The following COG5 variants were observed in gnomAD, a reference collection of about 807,000 sequenced individuals.
The protein encoded by COG5 is component of oligomeric golgi complex 5.
A neutral mutation model predicts 110.4 loss-of-function variants in COG5; 86 were observed. That is an observed-to-expected ratio of 0.78 (90% CI 0.65 to 0.93). The LOEUF is 0.93. COG5 is among the 40% of genes least tolerant of loss of function. The pLI is 0.00. For missense variants in COG5, 1,077 were observed against 987.0 expected, an observed-to-expected ratio of 1.09 and a Z score of -1.22; for synonymous variants, 360 against 334.6, an observed-to-expected ratio of 1.08 and a Z score of -0.83.
chr7:107,233,463 A>C (rs1037353258), intron 18 of COG5, among the ~76,000 whole-genome samples: 3 of 152,216 alleles, frequency 2.0e-5, no homozygotes, highest in Non-Finnish European at 2.9e-5. Context: ...GCACCCTGCA[A>C]CTACTTTCTC....
intron 21 of COG5, 51 bp downstream of exon 21, chr7:107,210,475 C>A: frequency 6.4e-7 from 1 of 1,559,634 alleles, no homozygotes; most frequent in East Asian, 2.3e-5. Context: ...GCATCCCCAC[C>A]CTCCTTGGGC....
intron 6 of COG5, among the ~76,000 whole-genome samples, chr7:107,524,920 T>A (rs1039799101): frequency 6.6e-6 from 1 of 152,128 alleles, no homozygotes; most frequent in African/African-American, 2.4e-5. Context: ...CCTGTTTTTT[T>A]GTGGGGTTTT....
At chr7:107,512,127 G>T (rs1184016466) in intron 6 of COG5, among the ~76,000 whole-genome samples, 1 of 152,176 alleles carries the variant, frequency 6.6e-6, no homozygotes, top group African/African-American at 2.4e-5. Context: ...CAGATGACAT[G>T]ATTGTATATC....
chr7:107,321,043 C>G (rs1809219699), intron 11 of COG5, among the ~76,000 whole-genome samples: 1 of 152,156 alleles, frequency 6.6e-6, no homozygotes, highest in Non-Finnish European at 1.5e-5. Context: ...TTTACATTTG[C>G]TTTCTTTTAT....
At chr7:107,260,564 A>G (rs1297031307) in intron 14 of COG5, among the ~76,000 whole-genome samples, 1 of 152,160 alleles carries the variant, frequency 6.6e-6, no homozygotes, top group Admixed American at 6.5e-5. Flanking sequence ...TATCTTAATA[A>G]AACTGTTTTT....
Position 107,507,705 on chromosome 7 carries a change from A to C in COG5, c.538+19532T>G, listed in dbSNP as rs386465368. ...AATTAATGGGTCCCTATTGTATGGC[A>C]AGGTTATATAAATCATACTTTCATC... On this transcript the variant is annotated intron_variant, in intron 6 of 21. Coordinates refer to ENST00000297135, the MANE Select transcript of COG5 (RefSeq NM_006348.5). 2.0e-3 allele frequency among the ~76,000 whole-genome samples: 298 copies of C among 152,210 alleles called. 2 individuals carry two copies. Among genetic ancestry groups the C allele is most frequent in the Middle Eastern group, 6.8e-3 (2 of 294 alleles).
At chr7:107,261,388 G>A (rs997482024) in intron 14 of COG5, among the ~76,000 whole-genome samples, 8 of 151,688 alleles carry the variant, frequency 5.3e-5, no homozygotes, top group Admixed American at 5.3e-4. Context: ...ATACATTATG[G>A]CCCTTTACCC....
At chr7:107,332,701 G>T (rs1321370598) in intron 10 of COG5, among the ~76,000 whole-genome samples, 1 of 152,126 alleles carries the variant, frequency 6.6e-6, no homozygotes, top group Non-Finnish European at 1.5e-5. Context: ...GACATCAAGG[G>T]TGTGGGGCAA....
chr7:107,501,092 ATTATAC>A (rs1229724911), intron 6 of COG5, among the ~76,000 whole-genome samples: 2 of 152,124 alleles, frequency 1.3e-5, no homozygotes, highest in African/African-American at 4.8e-5. Context: ...CCTGTACAAT[ATTATAC>A]TTAGAGACCC....
chr7:107,367,335 A>T (rs188408357), intron 8 of COG5, among the ~76,000 whole-genome samples: 108 of 152,256 alleles, frequency 7.1e-4, no homozygotes, highest in African/African-American at 2.5e-3. Flanking sequence ...ATAGAAATGG[A>T]GAGGTCTGGT....
intron 6 of COG5, among the ~76,000 whole-genome samples, chr7:107,448,452 CCAT>C (rs1384168401): frequency 6.6e-6 from 1 of 152,146 alleles, no homozygotes; most frequent in African/African-American, 2.4e-5. Context: ...TTCTTAGTTT[CCAT>C]CATTTCATAC....
chr7:107,210,278 T>C, intron 21 of COG5: 1 of 1,389,932 alleles, frequency 7.2e-7, no homozygotes, highest in Non-Finnish European at 9.3e-7. Context: ...TCCTTAGGGT[T>C]GCATGGGACA....
intron 7 of COG5, among the ~76,000 whole-genome samples, chr7:107,374,312 C>T (rs533532794): frequency 2.6e-5 from 4 of 152,054 alleles, no homozygotes; most frequent in East Asian, 1.9e-4. Context: ...TTTCCCATGT[C>T]ATTATTTAAG....
intron 16 of COG5, among the ~76,000 whole-genome samples, chr7:107,249,788 A>G (rs1161598425): frequency 1.3e-5 from 2 of 151,608 alleles, no homozygotes; most frequent in African/African-American, 4.8e-5. Flanking sequence ...TAGTGAGAAT[A>G]GTTAAAACGT....
Position 107,298,311 on chromosome 7 carries a change from A to G in COG5, c.1144T>C (p.Tyr382His). 6.2e-7 allele frequency: 1 copy of G among 1,613,644 alleles called. No individual in the cohort carries two copies. The highest frequency in any genetic ancestry group is 8.5e-7 in the Non-Finnish European group (1 of 1,179,756). Residue 382 changes from tyrosine to histidine, a missense_variant, in exon 12 of 22, where the codon TAC (tyrosine) becomes CAC (histidine). Tyr to His is a moderately conservative substitution (Grantham distance 83, BLOSUM62 2). Coordinates refer to ENST00000297135, the MANE Select transcript of COG5 (RefSeq NM_006348.5). ...MFLKQAFEGE[Y>H]PKLLRLYNDL... ...TTATAAAGACGTAATAATTTAGGGT[A>G]TTCTCCTTCAAATGCCTGCTTCAAA...
intron 14 of COG5, among the ~76,000 whole-genome samples, chr7:107,273,540 T>TC: frequency 6.6e-6 from 1 of 152,286 alleles, no homozygotes; most frequent in Non-Finnish European, 1.5e-5. Flanking sequence ...CTCTATAGTG[T>TC]TAGGACTTCC....
At chr7:107,561,654 G>A (rs768087751) in intron 1 of COG5, among the ~76,000 whole-genome samples, 14 of 152,192 alleles carry the variant, frequency 9.2e-5, no homozygotes, top group Non-Finnish European at 1.9e-4. Context: ...AAAATCCAGA[G>A]CAAAGTAGGA....
At chr7:107,380,486 C>T (rs1815021191) in intron 7 of COG5, among the ~76,000 whole-genome samples, 2 of 152,046 alleles carry the variant, frequency 1.3e-5, no homozygotes, top group Non-Finnish European at 2.9e-5. Flanking sequence ...GGGAGATCAC[C>T]ACTGATCCCA....
At chr7:107,240,034 C>T (rs1412915141) in intron 17 of COG5, among the ~76,000 whole-genome samples, 1 of 152,182 alleles carries the variant, frequency 6.6e-6, no homozygotes, top group African/African-American at 2.4e-5. Context: ...CCTTCCCTTC[C>T]CTACTCAAAA....
Sources: gnomAD v4.1 joint callset for allele counts (sites outside exome capture counted in the v4.1 genomes callset) on GRCh38, gnomAD v4.1.1 for gene constraint, MANE v1.5 for transcripts, NCBI Gene and HGNC (gene_info 2026-07-23, HGNC 2026-07-21) for gene names.